The following THRB variants were observed in gnomAD, a reference collection of about 807,000 sequenced individuals.
THRB encodes thyroid hormone receptor beta, also known as nuclear receptor subfamily 1 group A member 2.
THRB carries 12 observed loss-of-function variants against 47.8 expected under a neutral mutation model. The ratio of observed to expected loss-of-function variants is 0.25; its 90% confidence interval spans 0.16 to 0.41. The LOEUF is 0.41. Ranked by LOEUF, THRB falls within the 10% of genes least tolerant of loss-of-function variation. The pLI, the probability that THRB is intolerant of heterozygous loss-of-function variation, is 1.00. For missense variants in THRB, 348 were observed against 589.2 expected (o/e 0.59, Z 4.24); for synonymous variants, 218 against 212.2 (o/e 1.03, Z -0.24).
chr3:24,406,107 A>C (rs1199869403), intron 1 of THRB, among the ~76,000 whole-genome samples: 3 of 151,600 alleles, frequency 2.0e-5, no homozygotes, highest in Non-Finnish European at 3.0e-5. Flanking sequence ...GATTCTTTTA[A>C]ATTTTCAGTA....
intron 3 of THRB, among the ~76,000 whole-genome samples, chr3:24,249,725 A>G: frequency 6.7e-6 from 1 of 148,274 alleles, no homozygotes; most frequent in East Asian, 2.0e-4. Flanking sequence ...TTGAAAGAAT[A>G]TAGAACTCAA....
intron 5 of THRB, among the ~76,000 whole-genome samples, chr3:24,189,028 C>T (rs985820377): frequency 2.0e-5 from 3 of 151,618 alleles, no homozygotes; most frequent in African/African-American, 7.3e-5. Flanking sequence ...CCCAGGTAAA[C>T]TGGTAATTCC....
chr3:24,229,484 CAT>C (rs1439164199), intron 3 of THRB, among the ~76,000 whole-genome samples: 1 of 152,162 alleles, frequency 6.6e-6, no homozygotes, highest in Admixed American at 6.5e-5. Context: ...ACTTTCAAGT[CAT>C]AGACACACTG....
chr3:24,389,560 T>G (rs2066396102), intron 1 of THRB, among the ~76,000 whole-genome samples: 1 of 152,204 alleles, frequency 6.6e-6, no homozygotes, highest in East Asian at 1.9e-4. Context: ...GAAACTTGCC[T>G]TTCAGGTTCT....
chr3:24,279,786 G>T (rs950619619), intron 3 of THRB, among the ~76,000 whole-genome samples: 16 of 152,036 alleles, frequency 1.1e-4, no homozygotes, highest in African/African-American at 3.9e-4. Context: ...TTATAACACT[G>T]AAAAATTCCT....
chr3:24,131,833 G>A (rs2033903559), intron 9 of THRB, among the ~76,000 whole-genome samples: 1 of 152,174 alleles, frequency 6.6e-6, no homozygotes, highest in South Asian at 2.1e-4. Flanking sequence ...AACTTCTATT[G>A]TTTTTAAGCC....
At chr3:24,159,156 T>C (rs973456844) in intron 5 of THRB, among the ~76,000 whole-genome samples, 1 of 152,226 alleles carries the variant, frequency 6.6e-6, no homozygotes, top group African/African-American at 2.4e-5. Flanking sequence ...CAGAATGGGA[T>C]TCAAGGTTAT....
intron 1 of THRB, among the ~76,000 whole-genome samples, chr3:24,435,746 A>G (rs2070878917): frequency 6.6e-6 from 1 of 151,994 alleles, no homozygotes. Context: ...GCAAGATAGG[A>G]AACAATGAGT....
At chr3:24,262,645 C>T (rs527443919) in intron 3 of THRB, among the ~76,000 whole-genome samples, 22 of 152,180 alleles carry the variant, frequency 1.4e-4, no homozygotes, top group Non-Finnish European at 1.6e-4. Context: ...AGATCTTATA[C>T]CAACACCTTC....
At chr3:24,289,862 C>G (rs1172610912) in intron 3 of THRB, among the ~76,000 whole-genome samples, 2 of 152,108 alleles carry the variant, frequency 1.3e-5, no homozygotes, top group African/African-American at 2.4e-5. Context: ...TTGGGATGTT[C>G]CCTATCATGG....
chr3:24,213,075 G>A (rs2046220401), intron 4 of THRB, among the ~76,000 whole-genome samples: 1 of 152,174 alleles, frequency 6.6e-6, no homozygotes, highest in Non-Finnish European at 1.5e-5. Flanking sequence ...AAAACTGTAA[G>A]GGTGCCAAGT....
chr3:24,202,198 C>T (rs142227952), intron 4 of THRB, among the ~76,000 whole-genome samples: 32 of 152,282 alleles, frequency 2.1e-4, no homozygotes, highest in African/African-American at 7.5e-4. Flanking sequence ...AGAGAGGTCA[C>T]ATTCTTGCTC....
chr3:24,337,813 G>A (rs1030314958), intron 1 of THRB, among the ~76,000 whole-genome samples: 4 of 152,122 alleles, frequency 2.6e-5, no homozygotes, highest in African/African-American at 7.2e-5. Flanking sequence ...CAATTGAGCT[G>A]TCGGGTGGGG....
At chr3:24,495,383 C>T (rs1698875970), upstream of THRB, 1 of 153,322 alleles carries the variant, frequency 6.5e-6, no homozygotes, top group Non-Finnish European at 1.5e-5. Flanking sequence ...GGCCAGCGCT[C>T]CGACGCGCTC....
intron 3 of THRB, among the ~76,000 whole-genome samples, chr3:24,251,970 G>A (rs1000835453): frequency 6.6e-6 from 1 of 151,984 alleles, no homozygotes; most frequent in Non-Finnish European, 1.5e-5. Flanking sequence ...AGAAAAAATG[G>A]AATATTTCTA....
intron 1 of THRB, among the ~76,000 whole-genome samples, chr3:24,380,863 T>G (rs539350752): frequency 6.6e-6 from 1 of 152,224 alleles, no homozygotes; most frequent in Admixed American, 6.5e-5. Flanking sequence ...ACGCCTGTAA[T>G]CCCAACACTT....
At chr3:24,327,497 T>C in intron 2 of THRB, among the ~76,000 whole-genome samples, 1 of 152,286 alleles carries the variant, frequency 6.6e-6, no homozygotes, top group East Asian at 1.9e-4. Flanking sequence ...AATGACCATA[T>C]AAAAGCAATT....
At chr3:24,213,377 C>T (rs771100228) in intron 4 of THRB, among the ~76,000 whole-genome samples, 1 of 152,072 alleles carries the variant, frequency 6.6e-6, no homozygotes, top group Non-Finnish European at 1.5e-5. Context: ...GGAATCTTAC[C>T]CAGGACTCTA....
intron 10 of THRB, among the ~76,000 whole-genome samples, chr3:24,126,058 T>G (rs1393690915): frequency 2.6e-5 from 4 of 152,170 alleles, no homozygotes; most frequent in Non-Finnish European, 5.9e-5. Flanking sequence ...CTGCCATATC[T>G]AAATTTCCTA....
Sources: gnomAD v4.1 joint callset for allele counts (sites outside exome capture counted in the v4.1 genomes callset) on GRCh38, gnomAD v4.1.1 for gene constraint, MANE v1.5 for transcripts, NCBI Gene and HGNC (gene_info 2026-07-23, HGNC 2026-07-21) for gene names.